The following CCDC85A variants were observed in gnomAD, a reference collection of about 807,000 sequenced individuals.
CCDC85A encodes coiled-coil domain-containing protein 85A.
CCDC85A carries 38 observed loss-of-function variants against 50.2 expected under a neutral mutation model. The observed-to-expected ratio is 0.76, with a 90% CI of 0.58 to 0.99. The LOEUF (loss-of-function observed/expected upper bound fraction) is 0.99, where lower values mean the gene tolerates loss of function less well. Ranked by LOEUF, CCDC85A falls within the 50% of genes least tolerant of loss-of-function variation. The probability of loss-of-function intolerance (pLI) is 0.00; values close to 1 mark genes in which losing one functional copy is unlikely to be tolerated. For synonymous variants in CCDC85A, 366 were observed against 301.4 expected, an observed-to-expected ratio of 1.21 and a Z score of -2.22; for missense variants, 820 against 742.0, an observed-to-expected ratio of 1.11 and a Z score of -1.22.
intron 4 of CCDC85A, among the ~76,000 whole-genome samples, chr2:56,375,221 T>C (rs1676275178): frequency 1.3e-5 from 2 of 152,204 alleles, no homozygotes; most frequent in African/African-American, 4.8e-5. Flanking sequence ...CCAATTAAGT[T>C]GAAGAACCAC....
intron 2 of CCDC85A, among the ~76,000 whole-genome samples, chr2:56,206,239 C>G (rs1355021291): frequency 6.6e-6 from 1 of 152,098 alleles, no homozygotes; most frequent in Non-Finnish European, 1.5e-5. Flanking sequence ...GTTCATCATT[C>G]TTTAAACCTT....
At chr2:56,322,113 C>T (rs1673229578) in intron 2 of CCDC85A, among the ~76,000 whole-genome samples, 1 of 152,134 alleles carries the variant, frequency 6.6e-6, no homozygotes, top group African/African-American at 2.4e-5. Flanking sequence ...AAACTGGATC[C>T]CTTCCTTACA....
intron 1 of CCDC85A, among the ~76,000 whole-genome samples, chr2:56,190,939 C>G (rs934850456): frequency 7.2e-5 from 11 of 152,224 alleles, no homozygotes; most frequent in African/African-American, 2.7e-4. Context: ...CAACCCAAAG[C>G]CTTTCCCGTC....
chr2:56,246,216 G>A (rs1454706159), intron 2 of CCDC85A, among the ~76,000 whole-genome samples: 2 of 152,090 alleles, frequency 1.3e-5, no homozygotes, highest in South Asian at 2.1e-4. Context: ...GAGCCACCAC[G>A]CCCGGCCCAA....
intron 2 of CCDC85A, among the ~76,000 whole-genome samples, chr2:56,326,310 A>G (rs1430746678): frequency 1.3e-5 from 2 of 152,166 alleles, no homozygotes; most frequent in African/African-American, 2.4e-5. Flanking sequence ...AATACATGTA[A>G]AAAATGCATG....
chr2:56,244,367 A>C (rs1189313076), intron 2 of CCDC85A, among the ~76,000 whole-genome samples: 1 of 152,050 alleles, frequency 6.6e-6, no homozygotes, highest in Non-Finnish European at 1.5e-5. Flanking sequence ...CGTGGGAAGT[A>C]CTGCCAGGGT....
rs1676399853 is a variant in CCDC85A at position 56,377,694 on chromosome 2, C to T, written c.1572+1759C>T. On this transcript the variant is annotated intron_variant, in intron 5 of 5. Coordinates refer to ENST00000407595, the MANE Select transcript of CCDC85A (RefSeq NM_001080433.2). ...ATGAGGTCAGGAGTTTGAGACCAGC[C>T]TGGCCAACATAGTGAAACCCTGTCT... Among the ~76,000 whole-genome samples the T allele has an allele frequency of 2.0e-5, 3 of 152,032 alleles. No individual in the cohort carries two copies. The South Asian group carries it at 6.2e-4, about 32-fold the overall frequency.
rs115399639 is a variant in CCDC85A, at chr2:56,311,030, C to T, written c.1241-31849C>T. On this transcript the variant is annotated intron_variant, in intron 2 of 5. Transcript: ENST00000407595. ...ATATTCACATTTCCCCTAAGTTCAACGACAGTGTCCTTAGACCTTTCCATG... is the reference window on the plus strand; with the variant it reads ...ATATTCACATTTCCCCTAAGTTCAATGACAGTGTCCTTAGACCTTTCCATG... Among the ~76,000 whole-genome samples, 1,217 of 152,264 alleles carry T rather than the reference C, an allele frequency of 8.0e-3. 26 individuals carry two copies. Among genetic ancestry groups the T allele is most frequent in the African/African-American group, 0.027 (1,138 of 41,570 alleles).
At chr2:56,241,797 C>G (rs547044599) in intron 2 of CCDC85A, among the ~76,000 whole-genome samples, 1 of 152,244 alleles carries the variant, frequency 6.6e-6, no homozygotes, top group South Asian at 2.1e-4. Flanking sequence ...CATGGGAGTG[C>G]AGATATCTCT....
At chr2:56,317,561 G>C (rs1212640439) in intron 2 of CCDC85A, among the ~76,000 whole-genome samples, 1 of 151,992 alleles carries the variant, frequency 6.6e-6, no homozygotes, top group Non-Finnish European at 1.5e-5. Context: ...CTCATTAAGA[G>C]GAAATTTCAC....
chr2:56,264,733 T>C (rs1250463886), intron 2 of CCDC85A, among the ~76,000 whole-genome samples: 2 of 152,204 alleles, frequency 1.3e-5, no homozygotes, highest in Non-Finnish European at 2.9e-5. Flanking sequence ...GCAGAATTTC[T>C]TGTAGGACTT....
At chr2:56,291,714 C>T (rs558005799) in intron 2 of CCDC85A, among the ~76,000 whole-genome samples, 66 of 149,964 alleles carry the variant, frequency 4.4e-4, no homozygotes, top group South Asian at 1.9e-3. Context: ...AGATAGAACA[C>T]GTAAGGCCCT....
intron 2 of CCDC85A, among the ~76,000 whole-genome samples, chr2:56,287,166 A>C (rs1671483000): frequency 6.6e-6 from 1 of 151,898 alleles, no homozygotes; most frequent in Non-Finnish European, 1.5e-5. Context: ...ACAGAGTTTC[A>C]CTCTTCACTT....
At chr2:56,352,383 C>T (rs1348501382) in intron 3 of CCDC85A, among the ~76,000 whole-genome samples, 1 of 152,128 alleles carries the variant, frequency 6.6e-6, no homozygotes, top group East Asian at 1.9e-4. Context: ...CAGGCACTCG[C>T]TCTACAGGCT....
intron 2 of CCDC85A, among the ~76,000 whole-genome samples, chr2:56,223,538 T>C (rs1161157811): frequency 6.6e-6 from 1 of 152,152 alleles, no homozygotes; most frequent in Non-Finnish European, 1.5e-5. Flanking sequence ...AAAATATAGA[T>C]TCGAATCATT....
At chr2:56,238,022 A>C (rs1197403072) in intron 2 of CCDC85A, among the ~76,000 whole-genome samples, 1 of 152,196 alleles carries the variant, frequency 6.6e-6, no homozygotes, top group Non-Finnish European at 1.5e-5. Context: ...TCCCAAATTC[A>C]TACACAGTTA....
chr2:56,311,622 G>T (rs770739574), intron 2 of CCDC85A, among the ~76,000 whole-genome samples: 8 of 152,024 alleles, frequency 5.3e-5, no homozygotes, highest in Non-Finnish European at 8.8e-5. Context: ...ACTTTGCAGT[G>T]GAGAGAAAGT....
At chr2:56,320,264 C>T (rs1407708793) in intron 2 of CCDC85A, among the ~76,000 whole-genome samples, 1 of 151,986 alleles carries the variant, frequency 6.6e-6, no homozygotes, top group Non-Finnish European at 1.5e-5. Flanking sequence ...CAAAAGCTAG[C>T]AGAAGGCAAG....
At chr2:56,342,537 C>T (rs1172769624) in intron 2 of CCDC85A, among the ~76,000 whole-genome samples, 3 of 152,138 alleles carry the variant, frequency 2.0e-5, no homozygotes, top group Admixed American at 6.5e-5. Context: ...TGTGTTTCCA[C>T]TTCTGACAAA....
Sources: gnomAD v4.1 joint callset for allele counts (sites outside exome capture counted in the v4.1 genomes callset) on GRCh38, gnomAD v4.1.1 for gene constraint, MANE v1.5 for transcripts, NCBI Gene and HGNC (gene_info 2026-07-23, HGNC 2026-07-21) for gene names.